Variants in SCOC observed in about 807,000 individuals in gnomAD.
SCOC encodes the protein short coiled coil protein.
SCOC carries 7 observed loss-of-function variants against 9.9 expected under a neutral mutation model. The observed-to-expected ratio is 0.71, with a 90% CI of 0.40 to 1.33. SCOC has a LOEUF of 1.33. Ranked by LOEUF, SCOC falls within the 40% of genes most tolerant of loss-of-function variation. The probability of loss-of-function intolerance (pLI) is 0.01; values close to 1 mark genes in which losing one functional copy is unlikely to be tolerated. For missense variants in SCOC, 66 were observed against 89.7 expected (o/e 0.74, Z 1.07); for synonymous variants, 19 against 28.2 (o/e 0.67, Z 1.03).
intron 1 of SCOC, among the ~76,000 whole-genome samples, chr4:140,281,395 G>C (rs558971175): frequency 1.3e-5 from 2 of 152,306 alleles, no homozygotes; most frequent in Non-Finnish European, 2.9e-5. Flanking sequence ...TTCTGGTAAT[G>C]AGTCCCTCAT....
intron 1 of SCOC, among the ~76,000 whole-genome samples, chr4:140,289,106 G>A (rs74799944): frequency 6.6e-6 from 1 of 152,100 alleles, no homozygotes; most frequent in Non-Finnish European, 1.5e-5. Context: ...GTCTTGCTAT[G>A]TCCCCTTGCA....
intron 1 of SCOC, among the ~76,000 whole-genome samples, chr4:140,262,897 C>T (rs1730662504): frequency 6.6e-6 from 1 of 151,966 alleles, no homozygotes; most frequent in African/African-American, 2.4e-5. Context: ...TATCAGGAAA[C>T]AGCCCCAGGT....
rs1212592273 is a variant in SCOC at position 140,285,164 on chromosome 4, G to C, written c.-19+27754G>C. On this transcript the variant is annotated intron_variant, in intron 1 of 4. Transcript: ENST00000394205. ...TTGTATATGAAGCAAACAGGAGTTG[G>C]GTCCCAAGGTCTTACTCCAAAGTTG... 3 of 456,452 alleles carry C rather than the reference G, an allele frequency of 6.6e-6. No homozygotes were observed. The East Asian group carries it at 2.1e-4, about 32-fold the overall frequency. The allele number at this position is 456,452 out of a possible 1,614,324, so 28.3% of individuals were successfully genotyped here. A position where few individuals can be genotyped will look rare whatever the true frequency, so the allele number is the denominator to read the frequency against.
At chr4:140,315,333 C>T (rs1732285071) in intron 1 of SCOC, among the ~76,000 whole-genome samples, 1 of 152,216 alleles carries the variant, frequency 6.6e-6, no homozygotes, top group Admixed American at 6.5e-5. Context: ...AGGCTCTGCA[C>T]TGAATATACA....
intron 2 of SCOC, chr4:140,343,831 A>G: frequency 1.7e-6 from 1 of 580,738 alleles, no homozygotes; most frequent in Non-Finnish European, 2.8e-6. Flanking sequence ...ACTTGAAAAA[A>G]TATAGTTACA....
At chr4:140,312,492 C>T (rs998626268) in intron 1 of SCOC, among the ~76,000 whole-genome samples, 31 of 152,008 alleles carry the variant, frequency 2.0e-4, no homozygotes, top group Non-Finnish European at 3.1e-4. Context: ...GCAGTGGTGC[C>T]GTTATAGCTC....
chr4:140,267,260 G>T (rs1730749004), intron 1 of SCOC, among the ~76,000 whole-genome samples: 1 of 152,182 alleles, frequency 6.6e-6, no homozygotes, highest in African/African-American at 2.4e-5. Flanking sequence ...CTGGAGATTT[G>T]ATGGGAGCGG....
At chr4:140,288,909 C>T (rs1195966160) in intron 1 of SCOC, among the ~76,000 whole-genome samples, 2 of 152,014 alleles carry the variant, frequency 1.3e-5, no homozygotes, top group Non-Finnish European at 2.9e-5. Flanking sequence ...ACCATATATG[C>T]ATACCACACA....
chr4:140,345,762 T>G (rs774627803), intron 2 of SCOC, among the ~76,000 whole-genome samples: 1 of 152,242 alleles, frequency 6.6e-6, no homozygotes, highest in East Asian at 1.9e-4. Flanking sequence ...TATATATATG[T>G]AAGGGAGGCC....
chr4:140,348,723 A>G (rs1298554737), intron 2 of SCOC, among the ~76,000 whole-genome samples: 4 of 152,168 alleles, frequency 2.6e-5, no homozygotes, highest in Non-Finnish European at 5.9e-5. Context: ...TCCTTTGGAT[A>G]TATACCAGTA....
chr4:140,373,768 G>T, intron 1 of SCOC, 51 bp downstream of exon 1: 1 of 1,509,694 alleles, frequency 6.6e-7, no homozygotes, highest in Non-Finnish European at 8.9e-7. Flanking sequence ...GACTAGAGCT[G>T]CATCCTCAGT....
chr4:140,317,589 G>A (rs1339866245), intron 1 of SCOC, among the ~76,000 whole-genome samples: 2 of 149,954 alleles, frequency 1.3e-5, no homozygotes, highest in Non-Finnish European at 3.0e-5. Context: ...TTTGAGACAT[G>A]AGTCTTGCTG....
upstream of SCOC, chr4:140,373,300 C>G (rs1728139761): frequency 4.3e-6 from 6 of 1,382,184 alleles, no homozygotes; most frequent in South Asian, 7.9e-5. Context: ...TCATACCAGC[C>G]TCTTTCCTGA....
intron 2 of SCOC, among the ~76,000 whole-genome samples, chr4:140,348,864 G>GC (rs1288846118): frequency 6.6e-6 from 1 of 151,968 alleles, no homozygotes; most frequent in Admixed American, 6.6e-5. Context: ...CCACATCCTG[G>GC]CCAACTCTTA....
chr4:140,265,601 A>C (rs1461263167), intron 1 of SCOC, among the ~76,000 whole-genome samples: 1 of 152,206 alleles, frequency 6.6e-6, no homozygotes, highest in Non-Finnish European at 1.5e-5. Flanking sequence ...ATAGCTCAGC[A>C]TTTGCCTTAT....
chr4:140,374,481 C>G (rs1291942781), intron 1 of SCOC, among the ~76,000 whole-genome samples: 1 of 152,190 alleles, frequency 6.6e-6, no homozygotes. Context: ...GCTAGCCATT[C>G]TCTGAGAGTA....
intron 2 of SCOC, among the ~76,000 whole-genome samples, chr4:140,359,331 T>C (rs918991664): frequency 6.6e-6 from 1 of 152,090 alleles, no homozygotes; most frequent in Non-Finnish European, 1.5e-5. Context: ...TTTGAGCACC[T>C]ACATATGGTC....
chr4:140,364,770 C>T (rs771245799), intron 2 of SCOC, among the ~76,000 whole-genome samples: 4 of 152,168 alleles, frequency 2.6e-5, no homozygotes, highest in Non-Finnish European at 5.9e-5. Flanking sequence ...ATAGGGACTA[C>T]CTTTAAATTT....
At chr4:140,298,803 T>C (rs1187879972) in intron 1 of SCOC, among the ~76,000 whole-genome samples, 1 of 152,208 alleles carries the variant, frequency 6.6e-6, no homozygotes, top group Non-Finnish European at 1.5e-5. Context: ...AAAATTTTAA[T>C]TAATAAATTA....
Sources: gnomAD v4.1 joint callset for allele counts (sites outside exome capture counted in the v4.1 genomes callset) on GRCh38, gnomAD v4.1.1 for gene constraint, MANE v1.5 for transcripts, NCBI Gene and HGNC (gene_info 2026-07-23, HGNC 2026-07-21) for gene names.